Variants in GALNT13 observed in about 807,000 individuals in gnomAD.
GALNT13 encodes UDP-GalNAc:polypeptide N-acetylgalactosaminyltransferase 13.
In GALNT13, 28 loss-of-function variants were observed where a neutral mutation model predicts 64.2. The ratio of observed to expected loss-of-function variants is 0.44; its 90% CI spans 0.32 to 0.60. GALNT13 has a LOEUF of 0.60. Ranked by LOEUF, GALNT13 falls within the 20% of genes least tolerant of loss-of-function variation. GALNT13 has a pLI of 0.05. For missense variants in GALNT13, 577 were observed against 669.8 expected (o/e 0.86, Z 1.53); for synonymous variants, 214 against 224.6 (o/e 0.95, Z 0.42).
chr2:154,400,166 T>G (rs1457618813), intron 10 of GALNT13, among the ~76,000 whole-genome samples: 1 of 152,168 alleles, frequency 6.6e-6, no homozygotes, highest in African/African-American at 2.4e-5. Flanking sequence ...TTTCTAAAGC[T>G]TTTTCCTTCT....
chr2:153,708,586 A>G, the GALNT13 span, among the ~76,000 whole-genome samples: 1 of 152,162 alleles, frequency 6.6e-6, no homozygotes. Flanking sequence ...GTGTAAATCA[A>G]TGGTTGTCAG....
intron 9 of GALNT13, among the ~76,000 whole-genome samples, chr2:154,357,988 G>A (rs375537705): frequency 6.6e-6 from 1 of 151,852 alleles, no homozygotes; most frequent in Non-Finnish European, 1.5e-5. Context: ...ACTCATCTCA[G>A]CCCAATTTGT....
At chr2:153,795,642 C>T in the GALNT13 span, among the ~76,000 whole-genome samples, 1 of 151,852 alleles carries the variant, frequency 6.6e-6, no homozygotes, top group African/African-American at 2.4e-5. Context: ...GCTTAATATA[C>T]TCTTGGATTC....
At chr2:153,536,838 A>G in the GALNT13 span, among the ~76,000 whole-genome samples, 1 of 152,264 alleles carries the variant, frequency 6.6e-6, no homozygotes, top group Non-Finnish European at 1.5e-5. Flanking sequence ...AAAATAAGAT[A>G]CAATTATTCT....
chr2:153,785,425 C>A, the GALNT13 span, among the ~76,000 whole-genome samples: 2 of 152,132 alleles, frequency 1.3e-5, no homozygotes, highest in African/African-American at 4.8e-5. Context: ...TTGATATAGC[C>A]TTTAGGTACT....
the GALNT13 span, among the ~76,000 whole-genome samples, chr2:153,632,181 T>C: frequency 2.0e-5 from 3 of 152,184 alleles, no homozygotes; most frequent in African/African-American, 7.2e-5. Flanking sequence ...TACAAGTTTT[T>C]TCCTGGTGAT....
chr2:153,767,344 A>T, the GALNT13 span, among the ~76,000 whole-genome samples: 1 of 152,070 alleles, frequency 6.6e-6, no homozygotes. Context: ...TCTTTATCCA[A>T]TCAATCTTTG....
chr2:153,365,950 A>T, the GALNT13 span, among the ~76,000 whole-genome samples: 1 of 152,200 alleles, frequency 6.6e-6, no homozygotes, highest in Non-Finnish European at 1.5e-5. Context: ...TCATACGTTG[A>T]TTGCAGCACT....
the GALNT13 span, among the ~76,000 whole-genome samples, chr2:153,572,575 T>TTA: frequency 6.6e-6 from 1 of 152,086 alleles, no homozygotes; most frequent in South Asian, 2.1e-4. Flanking sequence ...ATGTAGGCAC[T>TTA]TATAACTCTA....
At chr2:153,835,511 G>A in the GALNT13 span, among the ~76,000 whole-genome samples, 1 of 151,894 alleles carries the variant, frequency 6.6e-6, no homozygotes, top group East Asian at 1.9e-4. Context: ...TTTAATGAAA[G>A]GGGTTTTGGT....
chr2:153,968,952 GTTTTTC>G (rs1693558425), intron 3 of GALNT13, among the ~76,000 whole-genome samples: 1 of 89,520 alleles, frequency 1.1e-5, no homozygotes, highest in Non-Finnish European at 2.3e-5. Flanking sequence ...AATTCTTTGA[GTTTTTC>G]TTTTTTTAGT....
At chr2:153,195,368 A>G in the GALNT13 span, among the ~76,000 whole-genome samples, 1 of 152,140 alleles carries the variant, frequency 6.6e-6, no homozygotes, top group South Asian at 2.1e-4. Flanking sequence ...CTGTGAGTCA[A>G]ACATTGAGCA....
intron 3 of GALNT13, among the ~76,000 whole-genome samples, chr2:154,092,883 A>C (rs1309336286): frequency 2.0e-5 from 3 of 152,058 alleles, no homozygotes; most frequent in Non-Finnish European, 4.4e-5. Context: ...TTTGCTTTAA[A>C]GGATTTCATG....
In GALNT13 at chr2:154,259,098, T is replaced by C; in HGVS notation, c.935T>C (p.Met312Thr). ...GAGATAGGAACTTACGATGCAGGAA[T>C]GGATATCTGGGGTGGAGAGAATCTT... ...FEEIGTYDAG[M>T]DIWGGENLEM... Residue 312 changes from methionine (M) to threonine (T), a missense_variant, in exon 8 of 13, where the codon ATG becomes ACG. Physicochemically the swap from Met to Thr is moderately conservative, Grantham distance 81. Around this residue, in one of 3 missense-constraint regions of GALNT13, gnomAD observed 341 missense variants for 379.3 expected, o/e 0.90. Transcript: ENST00000392825. The C allele has an allele frequency of 6.2e-7, 1 of 1,605,332 alleles. No homozygotes were observed. Among genetic ancestry groups the C allele is most frequent in the African/African-American group, 1.3e-5 (1 of 74,630 alleles).
chr2:154,095,179 C>T lies in GALNT13; in HGVS notation c.143-45158C>T, dbSNP rs538105601. Among the ~76,000 whole-genome samples the T allele has an allele frequency of 5.3e-5, 8 of 151,790 alleles. No homozygotes were observed. In the South Asian group the frequency reaches 6.2e-4, roughly 12 times the overall value. On this transcript the variant is annotated intron_variant, in intron 3 of 12. Coordinates refer to ENST00000392825, the MANE Select transcript of GALNT13 (RefSeq NM_052917.4). ...CTGGCATGTATTGTTCATATACAGCCGGTTAATTGGTGTCCTGACACATAG... is the reference window on the plus strand; with the variant it reads ...CTGGCATGTATTGTTCATATACAGCTGGTTAATTGGTGTCCTGACACATAG...
chr2:153,485,948 GT>G, the GALNT13 span, among the ~76,000 whole-genome samples: 1 of 151,588 alleles, frequency 6.6e-6, no homozygotes, highest in African/African-American at 2.4e-5. Flanking sequence ...TGTTTTTTTG[GT>G]TTTTTTTCCA....
At chr2:154,015,858 A>G (rs1310163040) in intron 3 of GALNT13, among the ~76,000 whole-genome samples, 1 of 152,184 alleles carries the variant, frequency 6.6e-6, no homozygotes, top group Non-Finnish European at 1.5e-5. Flanking sequence ...TTAAAATTAT[A>G]TTTATCCTAA....
At chr2:153,482,837 C>T in the GALNT13 span, among the ~76,000 whole-genome samples, 3 of 150,968 alleles carry the variant, frequency 2.0e-5, no homozygotes, top group African/African-American at 7.3e-5. Flanking sequence ...TAACACTTTA[C>T]AGAATTTTGA....
chr2:154,155,806 T>A (rs1478718276), intron 4 of GALNT13, among the ~76,000 whole-genome samples: 1 of 151,948 alleles, frequency 6.6e-6, no homozygotes, highest in African/African-American at 2.4e-5. Flanking sequence ...TATGTAATTT[T>A]GTTCATTAAG....
Sources: allele counts gnomAD v4.1 joint callset (sites outside exome capture counted in the v4.1 genomes callset), GRCh38; gene constraint gnomAD v4.1.1; regional missense constraint gnomAD v4.1.1; transcripts MANE v1.5; gene names NCBI Gene and HGNC (gene_info 2026-07-23, HGNC 2026-07-21).